Variants in UGP2 observed in about 807,000 individuals in gnomAD.
The protein encoded by UGP2 is UTP--glucose-1-phosphate uridylyltransferase.
Under a neutral mutation model 49.0 loss-of-function variants are expected in UGP2, and 40 were observed. That is an observed-to-expected ratio of 0.82 (90% CI 0.63 to 1.06). UGP2 has a LOEUF of 1.06. UGP2 is among the 50% of genes least tolerant of loss of function. The probability of loss-of-function intolerance (pLI) is 0.00; values close to 1 mark genes in which losing one functional copy is unlikely to be tolerated. For synonymous variants in UGP2, 225 were observed against 213.0 expected, an observed-to-expected ratio of 1.06 and a Z score of -0.49; for missense variants, 460 against 603.5, an observed-to-expected ratio of 0.76 and a Z score of 2.49.
intron 3 of UGP2, among the ~76,000 whole-genome samples, chr2:63,861,060 C>T (rs1669805708): frequency 6.6e-6 from 1 of 151,852 alleles, no homozygotes; most frequent in African/African-American, 2.4e-5. Context: ...CTAATAAGAA[C>T]CCAGTTTATA....
intron 3 of UGP2, among the ~76,000 whole-genome samples, chr2:63,865,179 A>G (rs545136216): frequency 6.6e-6 from 1 of 152,312 alleles, no homozygotes; most frequent in African/African-American, 2.4e-5. Flanking sequence ...ATGCAAAAAT[A>G]AAGACAGTCA....
intron 3 of UGP2, among the ~76,000 whole-genome samples, chr2:63,874,408 T>C (rs1670767726): frequency 6.6e-6 from 1 of 152,220 alleles, no homozygotes; most frequent in Admixed American, 6.5e-5. Context: ...ATGAGCAGGC[T>C]TCTGTCTTAG....
intron 3 of UGP2, among the ~76,000 whole-genome samples, chr2:63,869,149 G>A (rs1049754854): frequency 3.9e-5 from 6 of 152,010 alleles, no homozygotes; most frequent in African/African-American, 9.7e-5. Flanking sequence ...AATATGTAAC[G>A]TGATTTCAAG....
intron 3 of UGP2, chr2:63,862,904 C>T (rs1364043774): frequency 2.2e-6 from 1 of 455,096 alleles, no homozygotes; most frequent in African/African-American, 2.0e-5. Flanking sequence ...AAGGACTTTA[C>T]TGGAACAGAT....
chr2:63,841,063 G>A (rs1333303434), upstream of UGP2: 1 of 152,702 alleles, frequency 6.5e-6, no homozygotes, highest in East Asian at 1.9e-4. Flanking sequence ...GGGTGGACAA[G>A]GGGGGGTTAG....
At chr2:63,878,763 AC>A (rs1671099394) in intron 3 of UGP2, among the ~76,000 whole-genome samples, 1 of 152,144 alleles carries the variant, frequency 6.6e-6, no homozygotes, top group East Asian at 1.9e-4. Flanking sequence ...GCAAGGTCTC[AC>A]CATATTGCCC....
At chr2:63,875,970 G>A (rs963954781) in intron 3 of UGP2, among the ~76,000 whole-genome samples, 23 of 152,106 alleles carry the variant, frequency 1.5e-4, no homozygotes, top group African/African-American at 5.3e-4. Context: ...GATGTTCCCT[G>A]TGTTGTCTCT....
chr2:63,858,548 A>G (rs559859253), intron 3 of UGP2, among the ~76,000 whole-genome samples: 35 of 152,228 alleles, frequency 2.3e-4, no homozygotes, highest in Admixed American at 8.5e-4. Context: ...TAAAAAATAA[A>G]AATCTCACGT....
intron 3 of UGP2, chr2:63,863,064 A>G (rs1264672664): frequency 1.0e-5 from 3 of 286,566 alleles, no homozygotes; most frequent in Non-Finnish European, 2.1e-5. Flanking sequence ...TATGGGTCAG[A>G]TGTTCCACAA....
In UGP2 at chr2:63,891,128, T is replaced by TATC; in HGVS notation, c.1434_1436dup (p.Ile479dup). On this transcript the variant is annotated inframe_insertion, in exon 10 of 10. Transcript: ENST00000337130. ...TTTTCCCTGTCACTTAGGGAACGGT[T>TATC]ATCATCATTGCAAATCATGGTGACA... is the stretch of plus-strand genomic sequence containing the variant. 6.2e-7 allele frequency: 1 copy of TATC among 1,613,246 alleles called. No individual in the cohort carries two copies. The highest frequency in any genetic ancestry group is 8.5e-7 in the Non-Finnish European group (1 of 1,179,548).
In UGP2 at chr2:63,886,656, C is replaced by G. The variant is rs145387540; in HGVS notation, c.1071+118C>G. The G allele has an allele frequency of 1.2e-3, 1,424 of 1,142,006 alleles. 28 individuals carry two copies. In the Admixed American group the frequency reaches 0.026, roughly 20 times the overall value. 70.7% of individuals were successfully genotyped at this position (1,142,006 alleles called of 1,614,324 possible). On this transcript the variant is annotated intron_variant, in intron 7 of 9. Coordinates refer to ENST00000337130, the MANE Select transcript of UGP2 (RefSeq NM_006759.4). ...TATTCCATTGGTCACTCCCTTTTGCCTTTTCAGACTCTAGTTCCTAGCCCT... is the reference window on the plus strand; with the variant it reads ...TATTCCATTGGTCACTCCCTTTTGCGTTTTCAGACTCTAGTTCCTAGCCCT...
intron 3 of UGP2, among the ~76,000 whole-genome samples, chr2:63,877,573 T>C (rs1350118281): frequency 6.6e-6 from 1 of 152,238 alleles, no homozygotes; most frequent in Non-Finnish European, 1.5e-5. Flanking sequence ...TCTAGAAATT[T>C]GGTGATGGAG....
At chr2:63,852,620 T>C (rs112896951) in intron 1 of UGP2, among the ~76,000 whole-genome samples, 7 of 152,284 alleles carry the variant, frequency 4.6e-5, no homozygotes, top group African/African-American at 1.7e-4. Context: ...GATCAATCCA[T>C]CCTCCTTGGC....
chr2:63,865,956 A>G (rs1337374717), intron 3 of UGP2, among the ~76,000 whole-genome samples: 1 of 152,214 alleles, frequency 6.6e-6, no homozygotes, highest in South Asian at 2.1e-4. Context: ...ATGACATAAT[A>G]TAATTAAATT....
At chr2:63,861,687 CAA>C (rs34304544) in intron 3 of UGP2, among the ~76,000 whole-genome samples, 6 of 91,554 alleles carry the variant, frequency 6.6e-5, no homozygotes, top group Non-Finnish European at 6.4e-5. Flanking sequence ...GATCCTGTCT[CAA>C]AAAAAAAAAA....
intron 3 of UGP2, among the ~76,000 whole-genome samples, chr2:63,880,435 G>A (rs897981857): frequency 6.6e-6 from 1 of 152,078 alleles, no homozygotes; most frequent in Non-Finnish European, 1.5e-5. Flanking sequence ...GCTGGGATTA[G>A]AGGTGTGAGC....
intron 1 of UGP2, among the ~76,000 whole-genome samples, chr2:63,854,174 T>G (rs917267742): frequency 6.6e-6 from 1 of 152,202 alleles, no homozygotes; most frequent in Non-Finnish European, 1.5e-5. Context: ...GGATAAGTCA[T>G]TCAACTATTT....
intron 1 of UGP2, among the ~76,000 whole-genome samples, chr2:63,849,974 T>A (rs1668938798): frequency 6.6e-6 from 1 of 152,262 alleles, no homozygotes; most frequent in Non-Finnish European, 1.5e-5. Context: ...GTTATACCTC[T>A]TTCTCTTCTT....
Position 63,857,906 on chromosome 2 carries a change from G to A in UGP2, c.225G>A (p.Trp75Ter), listed in dbSNP as rs144104512. The change falls in exon 3 of 10, where the codon TGG becomes TGA. Residue 75 changes from tryptophan (W) to a stop codon, truncating the protein, a stop_gained. Coordinates refer to ENST00000337130, the MANE Select transcript of UGP2 (RefSeq NM_006759.4). LOFTEE classifies it high-confidence loss of function. ...AAGAAAAGGGGCCTTCTGTGGATTGGGGAAAAATCCAGAGACCCCCTGAAG... is the reference window on the plus strand; with the variant it reads ...AAGAAAAGGGGCCTTCTGTGGATTGAGGAAAAATCCAGAGACCCCCTGAAG... ...FLQEKGPSVDWGKIQRPPEDS... is the reference protein window; with the variant it reads ...FLQEKGPSVD The A allele has an allele frequency of 6.2e-7, 1 of 1,613,864 alleles. No homozygotes were observed. Among genetic ancestry groups the A allele is most frequent in the Non-Finnish European group, 8.5e-7 (1 of 1,179,958 alleles).
Sources: gnomAD v4.1 joint callset for allele counts (sites outside exome capture counted in the v4.1 genomes callset) on GRCh38, gnomAD v4.1.1 for gene constraint, MANE v1.5 for transcripts, NCBI Gene and HGNC (gene_info 2026-07-23, HGNC 2026-07-21) for gene names.